Variants in TOX2 observed in about 807,000 individuals in gnomAD.
TOX2 encodes the protein TOX high mobility group box family member 2.
A neutral mutation model predicts 47.4 loss-of-function variants in TOX2; 15 were observed. That is an observed-to-expected ratio of 0.32 (90% CI 0.21 to 0.49). TOX2 has a LOEUF of 0.49. TOX2 is among the 20% of genes least tolerant of loss of function. The pLI, the probability that TOX2 is intolerant of heterozygous loss-of-function variation, is 0.99. For missense variants in TOX2, 622 were observed against 673.1 expected, an observed-to-expected ratio of 0.92 and a Z score of 0.84; for synonymous variants, 290 against 296.6, an observed-to-expected ratio of 0.98 and a Z score of 0.23.
intron 4 of TOX2, among the ~76,000 whole-genome samples, chr20:44,052,433 C>G (rs1381588054): frequency 2.0e-5 from 3 of 152,204 alleles, no homozygotes; most frequent in Non-Finnish European, 4.4e-5. Context: ...TCCCTCCGTG[C>G]CTCCTGCCTC....
rs182859968 is a variant in TOX2 at position 43,934,292 on chromosome 20, T to C, written c.99+19302T>C. ...AGCATAGGAGGAGAACATAGAGGAA[T>C]GGGGAAAGGCAGAGGCATTTATTTA... On this transcript the variant is annotated intron_variant, in intron 1 of 8. Coordinates refer to ENST00000341197, the MANE Select transcript of TOX2 (RefSeq NM_001098797.2). 2.0e-5 allele frequency among the ~76,000 whole-genome samples: 3 copies of C among 151,754 alleles called. No homozygotes were observed. The East Asian group carries it at 5.8e-4, about 30-fold the overall frequency.
At chr20:44,042,227 C>T (rs1214035038) in intron 3 of TOX2, among the ~76,000 whole-genome samples, 5 of 152,184 alleles carry the variant, frequency 3.3e-5, no homozygotes, top group Admixed American at 6.5e-5. Context: ...TCTCATGAGA[C>T]GTATTCACTA....
At position 44,051,407 on chromosome 20, in the gene TOX2, C is replaced by T. The variant is rs1322221783; in HGVS notation, c.513C>T (p.Leu171=). The change falls in exon 4 of 9, where the codon CTC becomes CTT. Residue 171 remains leucine (L), a synonymous_variant. Transcript: ENST00000341197. Reference sequence around the variant, plus strand: ...TGCTGGCCAGCCACATGAGTGCCCTCAGCCAGTCCCAGCTCATCTCGCAGA... The same window carrying T: ...TGCTGGCCAGCCACATGAGTGCCCTTAGCCAGTCCCAGCTCATCTCGCAGA... The part of the protein sequence containing the change: ...PAMLASHMSA[L]SQSQLISQMG... The T allele has an allele frequency of 3.7e-6, 6 of 1,614,034 alleles. No homozygotes were observed. The African/African-American group carries it at 8.0e-5, about 22-fold the overall frequency.
chr20:44,028,281 G>A (rs1346774246), intron 3 of TOX2, among the ~76,000 whole-genome samples: 1 of 152,050 alleles, frequency 6.6e-6, no homozygotes, highest in Non-Finnish European at 1.5e-5. Context: ...ATTCCCAGAG[G>A]GGGTGCTGTG....
rs1024100916 is a variant in TOX2 at position 43,945,638 on chromosome 20, G to A, written c.100-27729G>A. On this transcript the variant is annotated intron_variant, in intron 1 of 8. Transcript: ENST00000341197. ...GGAAGGCTCTTAAGCCACAAATGAC[G>A]TGGAGCCGCGCTGTACTTAGGGGCT... 8 of 367,160 alleles carry A rather than the reference G, an allele frequency of 2.2e-5. 1 individual carries two copies. Among genetic ancestry groups the A allele is most frequent in the South Asian group, 5.5e-5 (2 of 36,238 alleles). The allele number at this position is 367,160 out of a possible 1,614,324, so 22.7% of individuals were successfully genotyped here.
In TOX2 at chr20:44,018,552, A is replaced by C. The variant is rs79566761; in HGVS notation, c.411+11760A>C. Among the ~76,000 whole-genome samples, 117 of 152,308 alleles carry C rather than the reference A, an allele frequency of 7.7e-4. 1 individual carries two copies. In the East Asian group the frequency reaches 0.02, roughly 26 times the overall value. On this transcript the variant is annotated intron_variant, in intron 3 of 8. Transcript: ENST00000341197. ...TGAGAAGCCATCTTTGGCTCCGCAGAATGTCTGGAGCACATAAAACTTGAG... is the reference window on the plus strand; with the variant it reads ...TGAGAAGCCATCTTTGGCTCCGCAGCATGTCTGGAGCACATAAAACTTGAG...
At chr20:44,047,852 T>TAAAAA (rs1198225728) in intron 3 of TOX2, among the ~76,000 whole-genome samples, 22 of 141,990 alleles carry the variant, frequency 1.5e-4, no homozygotes, top group Non-Finnish European at 2.8e-4. Flanking sequence ...AAAAAAAAAT[T>TAAAAA]AAAAAAAAAA....
chr20:44,016,922 G>A (rs1281635679), intron 3 of TOX2, among the ~76,000 whole-genome samples: 1 of 152,190 alleles, frequency 6.6e-6, no homozygotes, highest in Non-Finnish European at 1.5e-5. Context: ...TTTTGAAAAG[G>A]CAAGATTAAC....
At chr20:44,003,404 G>A (rs1036677850) in intron 2 of TOX2, among the ~76,000 whole-genome samples, 3 of 151,922 alleles carry the variant, frequency 2.0e-5, no homozygotes, top group Non-Finnish European at 2.9e-5. Flanking sequence ...GCCCAGAGTG[G>A]TCTCAAACTC....
intron 2 of TOX2, among the ~76,000 whole-genome samples, chr20:43,991,981 A>T (rs977411370): frequency 6.6e-6 from 1 of 152,214 alleles, no homozygotes; most frequent in African/African-American, 2.4e-5. Flanking sequence ...GTTTGCAGGT[A>T]AAAGTTCTGT....
intron 3 of TOX2, among the ~76,000 whole-genome samples, chr20:44,048,388 T>TTTTATATATATATATA (rs1555845973): frequency 2.3e-5 from 2 of 86,872 alleles, no homozygotes; most frequent in African/African-American, 9.1e-5. Flanking sequence ...TAAAATGAAT[T>TTTTATATATATATATA]TATATATATA....
At chr20:44,039,154 C>T (rs1569123270) in intron 3 of TOX2, 2 of 1,262,064 alleles carry the variant, frequency 1.6e-6, no homozygotes, top group Non-Finnish European at 2.1e-6. Flanking sequence ...AGAGCTCTGC[C>T]AGAGGCTTGG....
chr20:44,029,516 A>G (rs1267738493), intron 3 of TOX2, among the ~76,000 whole-genome samples: 1 of 152,170 alleles, frequency 6.6e-6, no homozygotes, highest in Admixed American at 6.5e-5. Context: ...CGTTTGCTCA[A>G]CTGTAAGGTG....
chr20:44,057,331 G>C (rs571180266), intron 5 of TOX2, among the ~76,000 whole-genome samples: 1 of 152,312 alleles, frequency 6.6e-6, no homozygotes, highest in African/African-American at 2.4e-5. Context: ...GGCGGGGATA[G>C]TGGTCTTCTT....
chr20:43,997,094 A>G (rs1469173409), intron 2 of TOX2, among the ~76,000 whole-genome samples: 2 of 152,176 alleles, frequency 1.3e-5, no homozygotes, highest in Non-Finnish European at 2.9e-5. Flanking sequence ...AAAAAGGTCA[A>G]ATCACCTGCT....
At chr20:43,965,820 GGA>G (rs778790425) in intron 1 of TOX2, among the ~76,000 whole-genome samples, 2 of 152,172 alleles carry the variant, frequency 1.3e-5, no homozygotes, top group Non-Finnish European at 1.5e-5. Context: ...ACCTTGAACA[GGA>G]GAGAGATACC....
intron 2 of TOX2, among the ~76,000 whole-genome samples, chr20:43,981,553 G>A (rs2070169387): frequency 6.6e-6 from 1 of 152,160 alleles, no homozygotes; most frequent in Admixed American, 6.5e-5. Context: ...TGCAGGTGCT[G>A]GGCAGGGATA....
intron 3 of TOX2, among the ~76,000 whole-genome samples, chr20:44,040,531 G>T (rs1238755452): frequency 6.6e-6 from 1 of 152,178 alleles, no homozygotes; most frequent in South Asian, 2.1e-4. Flanking sequence ...TTTAGTAGCT[G>T]TGTGATTATG....
At chr20:43,950,985 GA>G (rs1020521003) in intron 1 of TOX2, among the ~76,000 whole-genome samples, 20 of 151,894 alleles carry the variant, frequency 1.3e-4, no homozygotes, top group African/African-American at 4.8e-4. Context: ...ATTTTGGGGT[GA>G]GGGGGGTTTG....
Sources: gnomAD v4.1 joint callset for allele counts (sites outside exome capture counted in the v4.1 genomes callset) on GRCh38, gnomAD v4.1.1 for gene constraint, MANE v1.5 for transcripts, NCBI Gene and HGNC (gene_info 2026-07-23, HGNC 2026-07-21) for gene names.